The following KPNA4 variants were observed in gnomAD, a reference collection of about 807,000 sequenced individuals.
KPNA4 encodes importin subunit alpha-3.
A neutral mutation model predicts 71.3 loss-of-function variants in KPNA4; 13 were observed. The ratio of observed to expected loss-of-function variants is 0.18; its 90% CI spans 0.12 to 0.29. KPNA4 has a LOEUF of 0.29. Among genes scored for constraint, KPNA4 ranks in the 10% least tolerant of loss-of-function variants. The pLI is 1.00. For synonymous variants in KPNA4, 189 were observed against 195.2 expected (o/e 0.97, Z 0.26); for missense variants, 334 against 603.2 (o/e 0.55, Z 4.67).
At chr3:160,530,717 T>G in intron 7 of KPNA4, 138 bp downstream of exon 7, 1 of 593,338 alleles carries the variant, frequency 1.7e-6, no homozygotes, top group South Asian at 2.4e-5. Flanking sequence ...GTAACATACT[T>G]AAGTTGACCT....
intron 11 of KPNA4, 65 bp from the exon 12 acceptor site, chr3:160,515,645 T>G (rs1026501445): frequency 6.4e-7 from 1 of 1,565,288 alleles, no homozygotes; most frequent in African/African-American, 1.4e-5. Context: ...GACAAGGTCT[T>G]GCTCTGTCGC....
At chr3:160,502,971 C>T (rs1560042863) in intron 16 of KPNA4, among the ~76,000 whole-genome samples, 1 of 152,058 alleles carries the variant, frequency 6.6e-6, no homozygotes, top group Non-Finnish European at 1.5e-5. Context: ...ATTAGCTGGG[C>T]ATGGTGGCAT....
chr3:160,528,109 T>C, intron 7 of KPNA4, 70 bp from the exon 8 acceptor site: 1 of 1,174,792 alleles, frequency 8.5e-7, no homozygotes, highest in Non-Finnish European at 1.2e-6. Context: ...CTTTATTTTT[T>C]TGCTGAGACC....
chr3:160,514,366 G>A (rs188935523), intron 12 of KPNA4, among the ~76,000 whole-genome samples, 185 bp from the exon 13 acceptor site: 1 of 152,208 alleles, frequency 6.6e-6, no homozygotes, highest in East Asian at 1.9e-4. Context: ...ACAGCTAATG[G>A]ACCTAATTCA....
At chr3:160,502,667 AC>A (rs1720906420) in intron 16 of KPNA4, among the ~76,000 whole-genome samples, 2 of 152,136 alleles carry the variant, frequency 1.3e-5, no homozygotes, top group Admixed American at 1.3e-4. Flanking sequence ...CACAGTGCCT[AC>A]CCAAGACTTT....
At chr3:160,549,160 G>C (rs1431331150) in intron 1 of KPNA4, among the ~76,000 whole-genome samples, 2 of 152,056 alleles carry the variant, frequency 1.3e-5, no homozygotes, top group African/African-American at 4.8e-5. Flanking sequence ...TTGAGTTTTA[G>C]GAGTTCTTTA....
rs973688804 is a variant in KPNA4, at chr3:160,519,499, T to TA, written c.903+2279dup. ...TCTACTAGTGGTATTGTGGTTATGT[T>TA]AAAAAAAATAGGCGGCCGGGCGCGG... On this transcript the variant is annotated intron_variant, in intron 11 of 16. Coordinates refer to ENST00000334256, the MANE Select transcript of KPNA4 (RefSeq NM_002268.5). Among the ~76,000 whole-genome samples, 23 of 151,808 alleles carry TA rather than the reference T, an allele frequency of 1.5e-4. No homozygotes were observed. The East Asian group carries it at 2.3e-3, about 15-fold the overall frequency.
intron 1 of KPNA4, among the ~76,000 whole-genome samples, chr3:160,538,386 A>G (rs7614513): frequency 0.022 from 3,280 of 152,216 alleles, 105 homozygotes; most frequent in African/African-American, 0.063. Flanking sequence ...GGTAACAGTC[A>G]CAGGTAATTC....
At chr3:160,528,140 AAAAATATACTT>A (rs1314447718) in intron 7 of KPNA4, 101 bp from the exon 8 acceptor site, 2 of 712,158 alleles carry the variant, frequency 2.8e-6, no homozygotes, top group African/African-American at 3.6e-5. Flanking sequence ...GGGAACCTAT[AAAAATATACTT>A]AAAATATAAC....
chr3:160,526,126 A>G lies in KPNA4; in HGVS notation c.557-19T>C. ...CCATCACCTGTAGAAAAAAAGGATT[A>G]ATTTACTCAATAAAACATACTGACA... is the stretch of plus-strand genomic sequence containing the variant. On this transcript the variant is annotated intron_variant, in intron 8 of 16. Transcript: ENST00000334256. 2.0e-6 allele frequency: 3 copies of G among 1,487,378 alleles called. No homozygotes were observed. Among genetic ancestry groups the G allele is most frequent in the Non-Finnish European group, 2.7e-6 (3 of 1,121,916 alleles). The allele number at this position is 1,487,378 out of a possible 1,614,324, so 92.1% of individuals were successfully genotyped here.
intron 5 of KPNA4, among the ~76,000 whole-genome samples, chr3:160,533,713 T>C (rs1721617914): frequency 6.6e-6 from 1 of 152,206 alleles, no homozygotes; most frequent in Admixed American, 6.5e-5. Context: ...GCAATACCAG[T>C]GTAAACATTA....
intron 1 of KPNA4, among the ~76,000 whole-genome samples, chr3:160,554,079 T>G (rs908271906): frequency 1.3e-5 from 2 of 152,082 alleles, no homozygotes; most frequent in African/African-American, 4.8e-5. Context: ...CAGGGAAGGG[T>G]AGAAGGGAAA....
intron 7 of KPNA4, among the ~76,000 whole-genome samples, chr3:160,530,016 C>T (rs1233876473): frequency 6.6e-6 from 1 of 151,198 alleles, no homozygotes; most frequent in African/African-American, 2.4e-5. Context: ...GCGCCTGTAG[C>T]CCCAGGTACT....
At position 160,525,785 on chromosome 3, in the gene KPNA4, G is replaced by T; in HGVS notation, c.771+15C>A. ...ACATACATACATAAATATATAATAG[G>T]ACACATTTACTCACATTTACATCTG... On this transcript the variant is annotated intron_variant, in intron 10 of 16. Transcript: ENST00000334256. The T allele has an allele frequency of 6.6e-7, 1 of 1,504,338 alleles. No individual in the cohort carries two copies. The highest frequency in any genetic ancestry group is 1.3e-5 in the South Asian group (1 of 74,094). 93.2% of individuals were successfully genotyped at this position (1,504,338 alleles called of 1,614,324 possible).
At position 160,531,442 on chromosome 3, in the gene KPNA4, A is replaced by AT. The variant is rs758706622; in HGVS notation, c.383+19_383+20insA. On this transcript the variant is annotated intron_variant, in intron 6 of 16. Coordinates refer to ENST00000334256, the MANE Select transcript of KPNA4 (RefSeq NM_002268.5). ...GGATACATTCTAAATTAAAAAAAAA[A>AT]AAATAAATAATGTACTCACTTGTCA... is the stretch of plus-strand genomic sequence containing the variant. The AT allele has an allele frequency of 9.2e-6, 12 of 1,298,494 alleles. No individual in the cohort carries two copies. Among genetic ancestry groups the AT allele is most frequent in the African/African-American group, 6.1e-5 (4 of 65,858 alleles). 80.4% of individuals were successfully genotyped at this position (1,298,494 alleles called of 1,614,324 possible). A position where few individuals can be genotyped will look rare whatever the true frequency, so the allele number is the denominator to read the frequency against.
intron 10 of KPNA4, among the ~76,000 whole-genome samples, chr3:160,523,544 A>G (rs1051344679): frequency 3.3e-5 from 5 of 151,672 alleles, no homozygotes; most frequent in Non-Finnish European, 7.4e-5. Flanking sequence ...TGTAAAAAGA[A>G]GACATCAAAT....
At chr3:160,558,123 G>A (rs959944068) in intron 1 of KPNA4, among the ~76,000 whole-genome samples, 1 of 152,152 alleles carries the variant, frequency 6.6e-6, no homozygotes, top group African/African-American at 2.4e-5. Context: ...AGAAAACAGT[G>A]ACAAAATCTA....
At chr3:160,531,013 T>C (rs111950271) in intron 6 of KPNA4, 73 bp from the exon 7 acceptor site, 5 of 998,532 alleles carry the variant, frequency 5.0e-6, no homozygotes, top group Admixed American at 4.6e-5. Context: ...CATTCTTCCT[T>C]CTACCATTTA....
Position 160,524,198 on chromosome 3 carries a change from T to G in KPNA4, c.771+1602A>C, listed in dbSNP as rs1473234939. Among the ~76,000 whole-genome samples, 3 of 152,124 alleles carry G rather than the reference T, an allele frequency of 2.0e-5. No individual in the cohort carries two copies. In the East Asian group the frequency reaches 5.8e-4, roughly 29 times the overall value. On this transcript the variant is annotated intron_variant, in intron 10 of 16. Coordinates refer to ENST00000334256, the MANE Select transcript of KPNA4 (RefSeq NM_002268.5). The stretch of plus-strand genomic sequence containing the variant: ...TCAAGATACATCAAAGGCAAGAAAA[T>G]GGAGTCACAGTCTCATCTAGATTGG...
Sources: gnomAD v4.1 joint callset for allele counts (sites outside exome capture counted in the v4.1 genomes callset) on GRCh38, gnomAD v4.1.1 for gene constraint, MANE v1.5 for transcripts, NCBI Gene and HGNC (gene_info 2026-07-23, HGNC 2026-07-21) for gene names.